Variants in LCORL observed in about 807,000 individuals in gnomAD.
LCORL encodes ligand-dependent nuclear receptor corepressor-like protein.
A neutral mutation model predicts 141.8 loss-of-function variants in LCORL; 41 were observed. The ratio of observed to expected loss-of-function variants is 0.29; its 90% confidence interval spans 0.23 to 0.38. The LOEUF is 0.38. Among genes scored for constraint, LCORL ranks in the 10% least tolerant of loss-of-function variants. LCORL has a pLI of 1.00. For synonymous variants in LCORL, 618 were observed against 694.1 expected (o/e 0.89, Z 1.72); for missense variants, 1,759 against 2,035.0 (o/e 0.86, Z 2.61).
At chr4:17,939,906 A>G (rs1737557521) in intron 4 of LCORL, among the ~76,000 whole-genome samples, 1 of 151,168 alleles carries the variant, frequency 6.6e-6, no homozygotes, top group South Asian at 2.1e-4. Context: ...ATATGTATAT[A>G]TACATATATG....
intron 7 of LCORL, among the ~76,000 whole-genome samples, chr4:17,853,110 A>C (rs1723962783): frequency 6.7e-6 from 1 of 149,860 alleles, no homozygotes; most frequent in Admixed American, 6.7e-5. Context: ...TATTCACTGA[A>C]GCTCACAGAA....
chr4:17,915,545 G>A (rs1733260454), intron 4 of LCORL, among the ~76,000 whole-genome samples: 1 of 152,168 alleles, frequency 6.6e-6, no homozygotes, highest in Admixed American at 6.5e-5. Context: ...CCAGGAAGTG[G>A]CCTTTGGGAA....
chr4:17,892,567 T>C (rs537448697), intron 5 of LCORL, among the ~76,000 whole-genome samples: 41 of 152,158 alleles, frequency 2.7e-4, no homozygotes, highest in Non-Finnish European at 5.1e-4. Flanking sequence ...GTTTTGTATA[T>C]ATATAGCTGA....
intron 4 of LCORL, among the ~76,000 whole-genome samples, chr4:17,945,422 T>TA (rs36012480): frequency 6.6e-6 from 1 of 151,880 alleles, no homozygotes; most frequent in African/African-American, 2.4e-5. Context: ...TTTTTTTTTT[T>TA]ACACTAGAAT....
rs111603560 is a variant in LCORL, at chr4:18,010,254, C to T, written c.154+11344G>A. ...ACATGCATTTTACTTAAGTATCTTA[C>T]ATAGGCCTGTGGAAAATCTAGTTAA... On this transcript the variant is annotated intron_variant, in intron 1 of 7. Transcript: ENST00000635767. Among the ~76,000 whole-genome samples the T allele has an allele frequency of 7.8e-3, 1,185 of 152,186 alleles. 11 individuals are homozygous for T. The highest frequency in any genetic ancestry group is 0.027 in the African/African-American group (1,121 of 41,492).
At chr4:17,935,171 G>A (rs77998009) in intron 4 of LCORL, among the ~76,000 whole-genome samples, 4,724 of 152,244 alleles carry the variant, frequency 0.031, 102 homozygotes, top group African/African-American at 0.057. Flanking sequence ...GTAACATCTG[G>A]AGAGAAGACT....
At chr4:17,847,486 TAC>T in intron 7 of LCORL, among the ~76,000 whole-genome samples, 1 of 152,204 alleles carries the variant, frequency 6.6e-6, no homozygotes, top group East Asian at 1.9e-4. Flanking sequence ...TCCCACAGAA[TAC>T]AGTTTCAATT....
At chr4:17,971,223 C>T (rs1715863445) in intron 2 of LCORL, among the ~76,000 whole-genome samples, 1 of 151,930 alleles carries the variant, frequency 6.6e-6, no homozygotes, top group South Asian at 2.1e-4. Context: ...CCACGACAAA[C>T]ATTTTGGTGT....
chr4:17,843,774 G>A (rs1443036500), exon 8 of LCORL: 1 of 160,862 alleles, frequency 6.2e-6, no homozygotes, highest in Admixed American at 6.1e-5. Flanking sequence ...TTGCATTTGA[G>A]AAGCTTATGA....
chr4:17,894,822 G>A (rs567436770), intron 5 of LCORL, among the ~76,000 whole-genome samples: 2 of 152,044 alleles, frequency 1.3e-5, no homozygotes, highest in South Asian at 2.1e-4. Flanking sequence ...GAGAACCAGC[G>A]GTCTAATAAT....
At chr4:17,994,825 T>C (rs1363205932) in intron 1 of LCORL, among the ~76,000 whole-genome samples, 3 of 151,694 alleles carry the variant, frequency 2.0e-5, no homozygotes, top group African/African-American at 7.3e-5. Flanking sequence ...TTTTATTTGA[T>C]AAATGCCATA....
At chr4:17,977,199 A>T (rs1161352456) in intron 1 of LCORL, among the ~76,000 whole-genome samples, 1 of 152,134 alleles carries the variant, frequency 6.6e-6, no homozygotes, top group Non-Finnish European at 1.5e-5. Flanking sequence ...ATATACTACA[A>T]TTTTTAATCT....
intron 1 of LCORL, among the ~76,000 whole-genome samples, chr4:18,005,203 GC>G (rs2109845059): frequency 6.6e-6 from 1 of 152,296 alleles, no homozygotes; most frequent in East Asian, 1.9e-4. Flanking sequence ...ACAGGCATGA[GC>G]CACCACACCT....
chr4:17,861,669 G>T (rs1455649441), intron 7 of LCORL, among the ~76,000 whole-genome samples: 2 of 152,118 alleles, frequency 1.3e-5, no homozygotes, highest in African/African-American at 4.8e-5. Flanking sequence ...AAATTGTCAG[G>T]CTGCAAATTT....
intron 4 of LCORL, 70 bp downstream of exon 4, chr4:17,961,833 T>G (rs781108396): frequency 1.4e-4 from 196 of 1,393,220 alleles, no homozygotes; most frequent in Non-Finnish European, 1.9e-4. Flanking sequence ...TAAAAAACTT[T>G]TGTGTAAAAA....
At chr4:17,861,553 A>G (rs947165955) in intron 7 of LCORL, among the ~76,000 whole-genome samples, 14 of 152,096 alleles carry the variant, frequency 9.2e-5, no homozygotes, top group African/African-American at 2.9e-4. Context: ...CCTTTGAGAC[A>G]TTTTCCCTGT....
chr4:17,841,708 A>C (rs1446084196), exon 8 of LCORL: 1 of 151,944 alleles, frequency 6.6e-6, no homozygotes, highest in African/African-American at 2.4e-5. Flanking sequence ...CACAAGCCAA[A>C]CTTTGTCTTA....
intron 1 of LCORL, among the ~76,000 whole-genome samples, chr4:18,016,414 T>C (rs902541813): frequency 6.6e-6 from 1 of 152,118 alleles, no homozygotes; most frequent in African/African-American, 2.4e-5. Context: ...AATAAAAGAT[T>C]TGAGGAAAAA....
intron 6 of LCORL, chr4:17,880,442 TG>T (rs1727410781): frequency 1.1e-6 from 1 of 925,814 alleles, no homozygotes; most frequent in South Asian, 5.0e-5. Flanking sequence ...TTTTCCTGTT[TG>T]ATTTATAAAC....
Sources: allele counts gnomAD v4.1 joint callset (sites outside exome capture counted in the v4.1 genomes callset), GRCh38; gene constraint gnomAD v4.1.1; transcripts MANE v1.5; gene names NCBI Gene and HGNC (gene_info 2026-07-23, HGNC 2026-07-21).